The following PPARGC1A variants were observed in gnomAD, a reference collection of about 807,000 sequenced individuals.
PPARGC1A encodes peroxisome proliferator-activated receptor gamma coactivator 1-alpha.
PPARGC1A carries 25 observed loss-of-function variants against 88.7 expected under a neutral mutation model. The ratio of observed to expected loss-of-function variants is 0.28; its 90% CI spans 0.21 to 0.39. The LOEUF (loss-of-function observed/expected upper bound fraction) is 0.39. PPARGC1A is among the 10% of genes least tolerant of loss of function. PPARGC1A has a pLI of 1.00. For missense variants in PPARGC1A, 880 were observed against 968.7 expected, an observed-to-expected ratio of 0.91 and a Z score of 1.22; for synonymous variants, 363 against 355.6, an observed-to-expected ratio of 1.02 and a Z score of -0.24.
chr4:24,030,554 G>A, the PPARGC1A span, among the ~76,000 whole-genome samples: 21,087 of 152,034 alleles, frequency 0.14, 1,691 homozygotes, highest in South Asian at 0.21. Context: ...ATATTTCCCC[G>A]TAATACAGCA....
At chr4:23,951,798 C>T in the PPARGC1A span, among the ~76,000 whole-genome samples, 2 of 152,062 alleles carry the variant, frequency 1.3e-5, no homozygotes, top group African/African-American at 4.8e-5. Flanking sequence ...TTCCCTCTGC[C>T]CTACCAGAAA....
the PPARGC1A span, among the ~76,000 whole-genome samples, chr4:23,938,870 T>C: frequency 1.3e-5 from 2 of 152,126 alleles, no homozygotes; most frequent in Admixed American, 1.3e-4. Flanking sequence ...GGAGAGAGCA[T>C]GTCTGCTGCC....
the PPARGC1A span, among the ~76,000 whole-genome samples, chr4:24,244,920 T>C: frequency 1.3e-5 from 2 of 152,280 alleles, no homozygotes; most frequent in East Asian, 3.9e-4. Context: ...TCATAACTCC[T>C]TGATATACAG....
At chr4:24,063,211 A>T in the PPARGC1A span, among the ~76,000 whole-genome samples, 1 of 152,140 alleles carries the variant, frequency 6.6e-6, no homozygotes, top group Non-Finnish European at 1.5e-5. Context: ...CACAGTTCTG[A>T]GCTGGCAGAT....
intron 2 of PPARGC1A, among the ~76,000 whole-genome samples, chr4:23,855,957 T>G (rs1257576236): frequency 6.6e-6 from 1 of 152,176 alleles, no homozygotes; most frequent in African/African-American, 2.4e-5. Flanking sequence ...AGACTCAACA[T>G]ATAGTAGACA....
the PPARGC1A span, among the ~76,000 whole-genome samples, chr4:24,230,393 G>A: frequency 6.6e-6 from 1 of 152,170 alleles, no homozygotes; most frequent in African/African-American, 2.4e-5. Context: ...AGGCCGGGTT[G>A]TACAGGAGTC....
At chr4:24,351,093 C>T in the PPARGC1A span, among the ~76,000 whole-genome samples, 64 of 152,036 alleles carry the variant, frequency 4.2e-4, no homozygotes, top group African/African-American at 1.3e-3. Context: ...TAGCTGGGAG[C>T]GGTGGCTCAT....
In PPARGC1A at chr4:23,849,846, T is replaced by A. The variant is rs556597190; in HGVS notation, c.235-18095A>T. ...TTGGAGGGCAGGTGTTTCATGCATG[T>A]GAGGACACAGCAGTGGCCCTAACAG... On this transcript the variant is annotated intron_variant, in intron 2 of 12. Transcript: ENST00000264867. Among the ~76,000 whole-genome samples the A allele has an allele frequency of 1.2e-3, 181 of 151,708 alleles. 1 individual carries two copies. Among genetic ancestry groups the A allele is most frequent in the Non-Finnish European group, 2.1e-3 (140 of 67,938 alleles).
At chr4:24,211,467 A>G in the PPARGC1A span, among the ~76,000 whole-genome samples, 7 of 152,162 alleles carry the variant, frequency 4.6e-5, no homozygotes, top group African/African-American at 1.7e-4. Flanking sequence ...CAAATTTACT[A>G]AGGCCAATTC....
At chr4:24,401,515 C>T in the PPARGC1A span, among the ~76,000 whole-genome samples, 1 of 144,762 alleles carries the variant, frequency 6.9e-6, no homozygotes, top group Admixed American at 6.8e-5. Context: ...GAGAAAGAAC[C>T]GCACCCACCT....
the PPARGC1A span, among the ~76,000 whole-genome samples, chr4:24,207,010 C>T: frequency 1.3e-5 from 2 of 151,950 alleles, no homozygotes; most frequent in Non-Finnish European, 2.9e-5. Flanking sequence ...TTGTTTACTT[C>T]CTTTGAATCA....
At chr4:24,265,474 T>C in the PPARGC1A span, among the ~76,000 whole-genome samples, 2 of 152,150 alleles carry the variant, frequency 1.3e-5, no homozygotes, top group East Asian at 3.9e-4. Flanking sequence ...CAAATCCTCT[T>C]CTGACTACAC....
At chr4:24,162,267 A>G in the PPARGC1A span, among the ~76,000 whole-genome samples, 7 of 152,322 alleles carry the variant, frequency 4.6e-5, no homozygotes, top group South Asian at 1.0e-3. Context: ...GATTCAGTAT[A>G]TACTGCTCAG....
the PPARGC1A span, among the ~76,000 whole-genome samples, chr4:24,247,810 A>T: frequency 6.6e-6 from 1 of 152,154 alleles, no homozygotes; most frequent in Non-Finnish European, 1.5e-5. Context: ...ACAAATGAAG[A>T]GATTTGGTGA....
At chr4:24,026,554 T>C in the PPARGC1A span, among the ~76,000 whole-genome samples, 1 of 151,996 alleles carries the variant, frequency 6.6e-6, no homozygotes. Context: ...AAGATAAGTA[T>C]GAAAAGCTCA....
the PPARGC1A span, among the ~76,000 whole-genome samples, chr4:24,118,141 T>G: frequency 6.6e-6 from 1 of 152,132 alleles, no homozygotes; most frequent in Non-Finnish European, 1.5e-5. Context: ...TCCTGTCACC[T>G]GCAGGCCACA....
chr4:24,387,778 A>G, the PPARGC1A span, among the ~76,000 whole-genome samples: 9,439 of 70,074 alleles, frequency 0.13, 618 homozygotes, highest in East Asian at 0.28. Context: ...GAAAGAAAGA[A>G]AGAAAGAAAG....
chr4:24,431,776 C>T, the PPARGC1A span, among the ~76,000 whole-genome samples: 1 of 152,186 alleles, frequency 6.6e-6, no homozygotes, highest in African/African-American at 2.4e-5. Flanking sequence ...AATAGGGCCC[C>T]TAGCACATGG....
the PPARGC1A span, among the ~76,000 whole-genome samples, chr4:23,939,936 T>A: frequency 6.6e-6 from 1 of 152,204 alleles, no homozygotes; most frequent in Non-Finnish European, 1.5e-5. Context: ...ACTCTCATTA[T>A]TTTAAGCCAT....
Sources: allele counts gnomAD v4.1 joint callset (sites outside exome capture counted in the v4.1 genomes callset), GRCh38; gene constraint gnomAD v4.1.1; transcripts MANE v1.5; gene names NCBI Gene and HGNC (gene_info 2026-07-23, HGNC 2026-07-21).